The following UIMC1 variants were observed in gnomAD, a reference collection of about 807,000 sequenced individuals.
UIMC1 encodes the protein ubiquitin interaction motif containing 1.
UIMC1 carries 42 observed loss-of-function variants against 84.9 expected under a neutral mutation model. The observed-to-expected ratio is 0.49, with a 90% CI of 0.39 to 0.64. The LOEUF (loss-of-function observed/expected upper bound fraction) is 0.64, where lower values mean the gene tolerates loss of function less well. Ranked by LOEUF, UIMC1 falls within the 30% of genes least tolerant of loss-of-function variation. The pLI is 0.00. For synonymous variants in UIMC1, 281 were observed against 293.0 expected (o/e 0.96, Z 0.42); for missense variants, 825 against 847.6 (o/e 0.97, Z 0.33).
chr5:176,934,455 A>C (rs1763481935), intron 10 of UIMC1, among the ~76,000 whole-genome samples: 1 of 152,182 alleles, frequency 6.6e-6, no homozygotes, highest in Non-Finnish European at 1.5e-5. Context: ...TAGAGATGCA[A>C]CGGGTATCTT....
chr5:176,911,108 GAGAGAAGAAAAGAAAAGAA>G (rs765036624), intron 11 of UIMC1, among the ~76,000 whole-genome samples, 184 bp downstream of exon 11: 87 of 111,372 alleles, frequency 7.8e-4, no homozygotes, highest in Middle Eastern at 4.5e-3. Flanking sequence ...AAAAGAGAGA[GAGAGAAGAAAAGAAAAGAA>G]AAGAAAAGAA....
chr5:176,982,375 A>G, intron 2 of UIMC1, 94 bp downstream of exon 2: 1 of 1,431,866 alleles, frequency 7.0e-7, no homozygotes, highest in African/African-American at 1.4e-5. Context: ...GTGAGCTGGC[A>G]TTAAGGTGAA....
At position 176,969,003 on chromosome 5, in the gene UIMC1, C is replaced by T. The variant is rs1181168833; in HGVS notation, c.752G>A (p.Gly251Glu). Residue 251 changes from glycine (G) to glutamate (E), a missense_variant, in exon 6 of 15, where the codon GGG (glycine) becomes GAG (glutamate). Gly to Glu is a moderately conservative substitution (Grantham distance 98). Coordinates refer to ENST00000511320, the MANE Select transcript of UIMC1 (RefSeq NM_001199298.2). ...SAFLKAVQGS[G>E]DTSRHCLPTL... ...AGGTAGACAGTGCCTAGATGTGTCC[C>T]CGCTACCCTGGACAGCTTTGAGAAA... The T allele has an allele frequency of 6.2e-7, 1 of 1,614,196 alleles. No individual in the cohort carries two copies. The highest frequency in any genetic ancestry group is 1.3e-5 in the African/African-American group (1 of 75,060).
chr5:176,965,712 T>C, intron 6 of UIMC1, among the ~76,000 whole-genome samples: 1 of 152,196 alleles, frequency 6.6e-6, no homozygotes. Flanking sequence ...GGTGGTCTGG[T>C]CATGAAGTTA....
intron 1 of UIMC1, among the ~76,000 whole-genome samples, chr5:176,989,138 G>C (rs939097542): frequency 2.6e-5 from 4 of 151,896 alleles, no homozygotes; most frequent in Admixed American, 6.6e-5. Flanking sequence ...TCCTAAGGGG[G>C]TTGTTACATC....
Position 176,975,083 on chromosome 5 carries a change from G to T in UIMC1, c.232+313C>A, listed in dbSNP as rs1163925886. Among the ~76,000 whole-genome samples, 7 of 152,088 alleles carry T rather than the reference G, an allele frequency of 4.6e-5. No homozygotes were observed. In the East Asian group the frequency reaches 1.4e-3, roughly 29 times the overall value. ...GCCAATGAGTTCAAGGCTGCAGTTA[G>T]CTATGATCATACCATACCCCTACAC... On this transcript the variant is annotated intron_variant, in intron 3 of 14. Transcript: ENST00000511320.
intron 8 of UIMC1, among the ~76,000 whole-genome samples, chr5:176,953,631 C>G (rs1489379490): frequency 1.3e-5 from 2 of 151,798 alleles, no homozygotes; most frequent in African/African-American, 4.8e-5. Flanking sequence ...AAAGTAAGAA[C>G]CATTCACTGC....
intron 6 of UIMC1, among the ~76,000 whole-genome samples, chr5:176,964,191 A>G: frequency 6.6e-6 from 1 of 152,362 alleles, no homozygotes; most frequent in African/African-American, 2.4e-5. Context: ...ATGTTTAACA[A>G]ACGAATTCTT....
intron 10 of UIMC1, among the ~76,000 whole-genome samples, chr5:176,926,732 G>C (rs1276931228): frequency 6.6e-6 from 1 of 151,910 alleles, no homozygotes; most frequent in Non-Finnish European, 1.5e-5. Flanking sequence ...AAATGGCCAG[G>C]GAAAGGTCCA....
At chr5:176,988,973 G>A (rs1772428409) in intron 1 of UIMC1, among the ~76,000 whole-genome samples, 1 of 152,090 alleles carries the variant, frequency 6.6e-6, no homozygotes, top group Admixed American at 6.6e-5. Context: ...AAGCCACCGT[G>A]CCCAGCCTGT....
chr5:177,015,573 A>G (rs1283473558), intron 1 of UIMC1, among the ~76,000 whole-genome samples: 3 of 152,196 alleles, frequency 2.0e-5, no homozygotes, highest in Non-Finnish European at 2.9e-5. Flanking sequence ...TTACTCTAAC[A>G]TGCTATACAG....
At chr5:176,999,303 A>T (rs963909408) in intron 1 of UIMC1, among the ~76,000 whole-genome samples, 1 of 152,212 alleles carries the variant, frequency 6.6e-6, no homozygotes, top group African/African-American at 2.4e-5. Context: ...ATAGGTGCAT[A>T]TATTTATGGG....
At chr5:177,017,577 C>T (rs1405203226) in intron 1 of UIMC1, among the ~76,000 whole-genome samples, 5 of 151,718 alleles carry the variant, frequency 3.3e-5, no homozygotes, top group African/African-American at 7.3e-5. Context: ...TTAGTAGAGA[C>T]GAGGTTTCAC....
At chr5:176,943,531 T>C in intron 9 of UIMC1, 43 bp from the exon 10 acceptor site, 2 of 1,600,088 alleles carry the variant, frequency 1.2e-6, no homozygotes, top group Non-Finnish European at 1.7e-6. Context: ...CTTTAGTTCA[T>C]ATCATTCCCT....
At chr5:177,009,198 C>T (rs1775491622), upstream of UIMC1, among the ~76,000 whole-genome samples, 1 of 151,580 alleles carries the variant, frequency 6.6e-6, no homozygotes, top group Non-Finnish European at 1.5e-5. The surrounding 1 kb of genome is among the most constrained non-coding windows in gnomAD (Gnocchi z 4.3). Context: ...TTTGTGGAGA[C>T]GGAGTCTCAT....
At chr5:176,966,445 T>C (rs1392439602) in intron 6 of UIMC1, among the ~76,000 whole-genome samples, 12 of 152,224 alleles carry the variant, frequency 7.9e-5, no homozygotes, top group African/African-American at 2.9e-4. Flanking sequence ...AAAGTTACCA[T>C]TTCTTGAACC....
intron 10 of UIMC1, among the ~76,000 whole-genome samples, chr5:176,930,928 T>C (rs1205066749): frequency 6.6e-6 from 1 of 152,244 alleles, no homozygotes; most frequent in African/African-American, 2.4e-5. Context: ...ATGTTTGCAC[T>C]CAGAGGTAAA....
exon 1 of UIMC1, chr5:177,022,578 C>T (rs754149682): frequency 6.7e-5 from 47 of 702,270 alleles, no homozygotes; most frequent in Non-Finnish European, 9.9e-5. Context: ...CTCTGAGGTA[C>T]CAGAGGTAGC....
intron 6 of UIMC1, among the ~76,000 whole-genome samples, chr5:176,967,656 A>C (rs888235074): frequency 3.3e-5 from 5 of 152,204 alleles, no homozygotes; most frequent in African/African-American, 1.2e-4. Context: ...CACTGCCAAC[A>C]CTTCAGGAGA....
Sources: gnomAD v4.1 joint callset for allele counts (sites outside exome capture counted in the v4.1 genomes callset) on GRCh38, gnomAD v4.1.1 for gene constraint, Gnocchi (gnomAD v3.1) non-coding constraint, MANE v1.5 for transcripts, NCBI Gene and HGNC (gene_info 2026-07-23, HGNC 2026-07-21) for gene names.